The following IGF2BP1 variants were observed in gnomAD, a reference collection of about 807,000 sequenced individuals.
The protein encoded by IGF2BP1 is insulin-like growth factor 2 mRNA-binding protein 1.
Under a neutral mutation model 74.9 loss-of-function variants are expected in IGF2BP1, and 11 were observed. That is an observed-to-expected ratio of 0.15 (90% CI 0.09 to 0.24). The LOEUF is 0.24. IGF2BP1 is among the 10% of genes least tolerant of loss of function. The probability of loss-of-function intolerance (pLI) is 1.00; values close to 1 mark genes in which losing one functional copy is unlikely to be tolerated. For synonymous variants in IGF2BP1, 287 were observed against 281.8 expected, an observed-to-expected ratio of 1.02 and a Z score of -0.18; for missense variants, 440 against 757.4, an observed-to-expected ratio of 0.58 and a Z score of 4.92.
At chr17:49,015,280 T>G (rs2041683500) in intron 2 of IGF2BP1, among the ~76,000 whole-genome samples, 1 of 152,120 alleles carries the variant, frequency 6.6e-6, no homozygotes, top group Admixed American at 6.5e-5. Context: ...GCCGTGACCG[T>G]ATGGCTTTTA....
At chr17:49,041,786 A>G (rs542269970) in intron 8 of IGF2BP1, among the ~76,000 whole-genome samples, 2 of 152,274 alleles carry the variant, frequency 1.3e-5, no homozygotes, top group South Asian at 4.1e-4. Context: ...GACAGCCTGC[A>G]GCTAGGAGCC....
chr17:49,038,116 G>A, intron 5 of IGF2BP1, 52 bp from the exon 6 acceptor site: 1 of 1,401,446 alleles, frequency 7.1e-7, no homozygotes, highest in Non-Finnish European at 9.4e-7. Context: ...GAGAGCATCT[G>A]GTATGATTGG....
chr17:49,000,577 A>T (rs1425671303), intron 2 of IGF2BP1, among the ~76,000 whole-genome samples: 1 of 152,242 alleles, frequency 6.6e-6, no homozygotes, highest in East Asian at 1.9e-4. Context: ...GTGTCTAAGG[A>T]ACATACACTG....
At position 49,003,150 on chromosome 17, in the gene IGF2BP1, C is replaced by G. The variant is rs531858940; in HGVS notation, c.236+3981C>G. 4.6e-5 allele frequency among the ~76,000 whole-genome samples: 7 copies of G among 152,220 alleles called. No homozygotes were observed. The South Asian group carries it at 1.5e-3, about 32-fold the overall frequency. Reference sequence around the variant, plus strand: ...TGGCACAGCTTTTGGTGGAAAAAAACATAATTATGTTTCAGAGATTAAATA... The same window carrying G: ...TGGCACAGCTTTTGGTGGAAAAAAAGATAATTATGTTTCAGAGATTAAATA... On this transcript the variant is annotated intron_variant, in intron 2 of 14. Coordinates refer to ENST00000290341, the MANE Select transcript of IGF2BP1 (RefSeq NM_006546.4).
intron 12 of IGF2BP1, among the ~76,000 whole-genome samples, 159 bp downstream of exon 12, chr17:49,045,224 T>A (rs1401815131): frequency 6.6e-6 from 1 of 152,126 alleles, no homozygotes; most frequent in African/African-American, 2.4e-5. Flanking sequence ...AGAGCTATTT[T>A]CAAATTGACA....
chr17:49,021,381 C>G (rs974606973), intron 2 of IGF2BP1, among the ~76,000 whole-genome samples: 10 of 152,280 alleles, frequency 6.6e-5, no homozygotes, highest in Non-Finnish European at 1.0e-4. Context: ...TCTGTTTTCT[C>G]CTGAATCACC....
At chr17:49,007,912 C>A (rs540805722) in intron 2 of IGF2BP1, among the ~76,000 whole-genome samples, 6 of 152,206 alleles carry the variant, frequency 3.9e-5, no homozygotes, top group Admixed American at 3.9e-4. Context: ...TGGCTCACGC[C>A]TGTAATCCCA....
At chr17:49,022,636 C>T (rs1473178431) in intron 2 of IGF2BP1, among the ~76,000 whole-genome samples, 1 of 152,138 alleles carries the variant, frequency 6.6e-6, no homozygotes, top group African/African-American at 2.4e-5. Flanking sequence ...ACATTCCAGA[C>T]ATTCCAGACG....
intron 4 of IGF2BP1, among the ~76,000 whole-genome samples, chr17:49,027,809 G>A (rs1339394374): frequency 7.2e-6 from 1 of 138,172 alleles, no homozygotes; most frequent in Non-Finnish European, 1.5e-5. Flanking sequence ...CAGAGATCGC[G>A]CCACTGCACT....
At position 49,029,185 on chromosome 17, in the gene IGF2BP1, A is replaced by C. The variant is rs185727551; in HGVS notation, c.337+2668A>C. ...TTGCTTATTTATTATGCTTATTGTT[A>C]TCTCTCCATAAGCTCCACAAAGGCA... is the stretch of plus-strand genomic sequence containing the variant. On this transcript the variant is annotated intron_variant, in intron 4 of 14. Transcript: ENST00000290341. Among the ~76,000 whole-genome samples, 17 of 152,310 alleles carry C rather than the reference A, an allele frequency of 1.1e-4. No individual in the cohort carries two copies. The East Asian group carries it at 1.9e-3, about 17-fold the overall frequency.
chr17:49,004,231 G>C (rs1341709648), intron 2 of IGF2BP1, among the ~76,000 whole-genome samples: 1 of 152,224 alleles, frequency 6.6e-6, no homozygotes, highest in African/African-American at 2.4e-5. Context: ...CAGGCCGCTT[G>C]TGGTGCGCCT....
intron 2 of IGF2BP1, among the ~76,000 whole-genome samples, chr17:49,017,029 G>T (rs773174325): frequency 3.3e-5 from 5 of 151,656 alleles, no homozygotes; most frequent in Non-Finnish European, 5.9e-5. Flanking sequence ...TAGGGATAAG[G>T]AGGCGGGGTG....
chr17:49,016,201 C>T (rs1322785361), intron 2 of IGF2BP1, among the ~76,000 whole-genome samples: 1 of 152,234 alleles, frequency 6.6e-6, no homozygotes, highest in Non-Finnish European at 1.5e-5. Flanking sequence ...GCAGTGAGCA[C>T]AAGCAGCCTA....
At chr17:49,043,615 C>T (rs2042077425) in intron 10 of IGF2BP1, 65 bp downstream of exon 10, 7 of 1,571,074 alleles carry the variant, frequency 4.5e-6, no homozygotes, top group African/African-American at 2.7e-5. Context: ...AAGGGGGACT[C>T]AGCATGCTCT....
chr17:49,039,938 T>G lies in IGF2BP1; in HGVS notation c.684-19T>G, dbSNP rs1234448835. The G allele has an allele frequency of 6.2e-7, 1 of 1,611,838 alleles. No homozygotes were observed. The highest frequency in any genetic ancestry group is 8.5e-7 in the Non-Finnish European group (1 of 1,179,784). ...TATCACTGGGGACAACTAACCAGCC[T>G]TGTCCTTGTGGCCCCCAGGATAGAC... On this transcript the variant is annotated intron_variant, in intron 6 of 14. Transcript: ENST00000290341.
intron 2 of IGF2BP1, among the ~76,000 whole-genome samples, chr17:49,006,482 ATTG>A (rs2041552586): frequency 1.3e-5 from 2 of 152,144 alleles, no homozygotes; most frequent in Non-Finnish European, 2.9e-5. Flanking sequence ...AATAGCTCTT[ATTG>A]TTATTATTTT....
intron 2 of IGF2BP1, among the ~76,000 whole-genome samples, chr17:49,011,098 A>T (rs1372489935): frequency 5.3e-5 from 7 of 131,958 alleles, no homozygotes; most frequent in East Asian, 2.3e-4. Context: ...AGATTGTGCC[A>T]CTGCACTCCA....
Position 49,003,972 on chromosome 17 carries a change from AAG to A in IGF2BP1, c.236+4812_236+4813del, listed in dbSNP as rs368309356. The stretch of plus-strand genomic sequence containing the variant: ...CCGGCCTTCCCTTCCCCTTTCAAAA[AAG>A]AGAGAGAGTAGAGAGAGAGAAAGTG... On this transcript the variant is annotated intron_variant, in intron 2 of 14. Coordinates refer to ENST00000290341, the MANE Select transcript of IGF2BP1 (RefSeq NM_006546.4). Among the ~76,000 whole-genome samples the A allele has an allele frequency of 2.5e-3, 375 of 152,118 alleles. 4 individuals carry two copies. Among genetic ancestry groups the A allele is most frequent in the African/African-American group, 8.2e-3 (342 of 41,522 alleles).
Position 48,997,814 on chromosome 17 carries a change from G to A in IGF2BP1, c.69G>A (p.Ala23=). 1 of 1,614,118 alleles carries A rather than the reference G, an allele frequency of 6.2e-7. No individual in the cohort carries two copies. Among genetic ancestry groups the A allele is most frequent in the Non-Finnish European group, 8.5e-7 (1 of 1,180,010 alleles). The change falls in exon 1 of 15, where the codon GCG becomes GCA. Residue 23 remains alanine (A), a synonymous_variant. Transcript: ENST00000290341. The surrounding 1 kb of genome is among the most constrained non-coding windows in gnomAD (Gnocchi z 4.8). ...CCGCGGACTTGGAGAAAGTGTTTGC[G>A]GAGCACAAGATCTCCTACAGCGGCC... ...VTPADLEKVF[A]EHKISYSGQF... is the part of the protein sequence containing the mutation.
Sources: allele counts gnomAD v4.1 joint callset (sites outside exome capture counted in the v4.1 genomes callset), GRCh38; gene constraint gnomAD v4.1.1; non-coding constraint Gnocchi (gnomAD v3.1); transcripts MANE v1.5; gene names NCBI Gene and HGNC (gene_info 2026-07-23, HGNC 2026-07-21).